CPQ: variants seen among roughly 807,000 people sequenced by gnomAD.
CPQ encodes the protein carboxypeptidase Q.
CPQ carries 37 observed loss-of-function variants against 45.7 expected under a neutral mutation model. That is an observed-to-expected ratio of 0.81 (90% CI 0.62 to 1.07). The LOEUF (loss-of-function observed/expected upper bound fraction) is 1.07. CPQ is among the 50% of genes least tolerant of loss of function. CPQ has a pLI of 0.00. For synonymous variants in CPQ, 186 were observed against 205.8 expected, an observed-to-expected ratio of 0.90 and a Z score of 0.82; for missense variants, 537 against 572.9, an observed-to-expected ratio of 0.94 and a Z score of 0.64.
chr8:96,700,285 C>T (rs1809439884), intron 1 of CPQ, among the ~76,000 whole-genome samples: 1 of 152,018 alleles, frequency 6.6e-6, no homozygotes, highest in South Asian at 2.1e-4. Context: ...AAGAAGAAGA[C>T]AGAGAAAATC....
chr8:97,105,801 A>G (rs1811394114), intron 7 of CPQ, among the ~76,000 whole-genome samples: 1 of 152,236 alleles, frequency 6.6e-6, no homozygotes, highest in African/African-American at 2.4e-5. Flanking sequence ...CAGCTTTTAA[A>G]AATATCATTT....
chr8:96,848,268 G>T (rs555874383), intron 3 of CPQ, among the ~76,000 whole-genome samples: 20 of 152,034 alleles, frequency 1.3e-4, no homozygotes, highest in African/African-American at 3.6e-4. Context: ...ATTTTTGTAG[G>T]GGTAGGAACT....
chr8:96,800,833 A>G (rs1378365578), intron 2 of CPQ, among the ~76,000 whole-genome samples: 1 of 152,186 alleles, frequency 6.6e-6, no homozygotes, highest in African/African-American at 2.4e-5. Flanking sequence ...TACTTAGGAC[A>G]TTGTGGGAGG....
chr8:96,685,840 A>G (rs1002038248), intron 1 of CPQ, among the ~76,000 whole-genome samples: 5 of 152,126 alleles, frequency 3.3e-5, no homozygotes, highest in African/African-American at 9.6e-5. Context: ...TAACATTTAG[A>G]GTTTTCTTAT....
At chr8:96,891,270 C>A (rs1447834754) in intron 4 of CPQ, among the ~76,000 whole-genome samples, 2 of 152,188 alleles carry the variant, frequency 1.3e-5, no homozygotes, top group East Asian at 3.9e-4. Context: ...ACCCATATGT[C>A]TATTCCGGTG....
At chr8:96,935,649 A>G (rs1813036196) in intron 4 of CPQ, among the ~76,000 whole-genome samples, 1 of 152,202 alleles carries the variant, frequency 6.6e-6, no homozygotes, top group Non-Finnish European at 1.5e-5. Context: ...GAAGGACTGT[A>G]CGTGTTTTAG....
chr8:96,745,310 A>G (rs1017967050), intron 1 of CPQ, among the ~76,000 whole-genome samples: 4 of 152,130 alleles, frequency 2.6e-5, no homozygotes, highest in Admixed American at 2.6e-4. Context: ...TCCATCTCAA[A>G]AAAAAAAATG....
At chr8:97,111,104 C>T (rs1811492009) in intron 7 of CPQ, among the ~76,000 whole-genome samples, 1 of 152,116 alleles carries the variant, frequency 6.6e-6, no homozygotes, top group African/African-American at 2.4e-5. Flanking sequence ...TATTTTTGTC[C>T]ATCCTAACTT....
rs749199078 is a variant in CPQ, at chr8:96,766,965, C to A, written c.-34-17899C>A. 7.3e-4 allele frequency among the ~76,000 whole-genome samples: 111 copies of A among 152,272 alleles called. 2 individuals are homozygous for A. The highest frequency in any genetic ancestry group is 3.2e-4 in the Non-Finnish European group (22 of 68,022). ...CTGTGCTCTTTCCAAACCCAAATCA[C>A]CTTCTTATGTTGCAAATCCACCTAA... is the stretch of plus-strand genomic sequence containing the variant. On this transcript the variant is annotated intron_variant, in intron 1 of 7. Coordinates refer to ENST00000220763, the MANE Select transcript of CPQ (RefSeq NM_016134.4).
At chr8:96,759,193 C>T (rs912296632) in intron 1 of CPQ, among the ~76,000 whole-genome samples, 1 of 152,102 alleles carries the variant, frequency 6.6e-6, no homozygotes, top group Non-Finnish European at 1.5e-5. Flanking sequence ...TGGGTTTGTT[C>T]TCCTGCTCAC....
chr8:97,045,619 C>T (rs775578363), intron 6 of CPQ, among the ~76,000 whole-genome samples: 16 of 152,220 alleles, frequency 1.1e-4, no homozygotes, highest in Non-Finnish European at 1.9e-4. Flanking sequence ...TGTTCCTATT[C>T]AGCCATCTTG....
chr8:96,835,347 A>G (rs1811516612), intron 3 of CPQ, among the ~76,000 whole-genome samples, 167 bp downstream of exon 3: 1 of 152,170 alleles, frequency 6.6e-6, no homozygotes, highest in African/African-American at 2.4e-5. Context: ...TGTTTGTAAT[A>G]TCTTCTTTGG....
At chr8:96,662,996 A>G (rs1808860254) in intron 1 of CPQ, among the ~76,000 whole-genome samples, 1 of 152,192 alleles carries the variant, frequency 6.6e-6, no homozygotes, top group South Asian at 2.1e-4. Flanking sequence ...CAAACAAAAC[A>G]AAACAAAATC....
intron 3 of CPQ, among the ~76,000 whole-genome samples, chr8:96,850,690 A>G (rs1811759724): frequency 6.6e-6 from 1 of 151,372 alleles, no homozygotes; most frequent in African/African-American, 2.4e-5. Flanking sequence ...GCTCACCACA[A>G]CCTCTGTCTC....
intron 4 of CPQ, among the ~76,000 whole-genome samples, chr8:96,926,605 C>CTTCTTCTTG: frequency 6.8e-6 from 1 of 146,400 alleles, no homozygotes; most frequent in Non-Finnish European, 1.5e-5. Flanking sequence ...TCTTCTTCTT[C>CTTCTTCTTG]TTCTTCTTCT....
intron 1 of CPQ, among the ~76,000 whole-genome samples, chr8:96,771,059 G>T (rs1273549674): frequency 6.8e-6 from 1 of 146,860 alleles, no homozygotes; most frequent in African/African-American, 2.5e-5. Context: ...GGAGATTATT[G>T]TGGTAGTTCA....
chr8:96,916,340 G>A (rs1812732366), intron 4 of CPQ, among the ~76,000 whole-genome samples: 1 of 152,000 alleles, frequency 6.6e-6, no homozygotes, highest in African/African-American at 2.4e-5. Flanking sequence ...AGTATTCAAT[G>A]GGATCATAGA....
intron 1 of CPQ, among the ~76,000 whole-genome samples, chr8:96,751,635 A>T (rs1454596518): frequency 6.6e-6 from 1 of 152,122 alleles, no homozygotes; most frequent in Non-Finnish European, 1.5e-5. Context: ...GAAGCTCTTT[A>T]GTTTAATTAG....
intron 1 of CPQ, among the ~76,000 whole-genome samples, chr8:96,696,559 AG>A (rs1182933252): frequency 6.6e-6 from 1 of 152,074 alleles, no homozygotes; most frequent in South Asian, 2.1e-4. Flanking sequence ...ATTAAAAAAT[AG>A]TACAAAAGAT....
Sources: allele counts gnomAD v4.1 joint callset (sites outside exome capture counted in the v4.1 genomes callset), GRCh38; gene constraint gnomAD v4.1.1; transcripts MANE v1.5; gene names NCBI Gene and HGNC (gene_info 2026-07-23, HGNC 2026-07-21).